Variants in YIPF4 observed in about 807,000 individuals in gnomAD.
YIPF4 encodes protein YIPF4.
In YIPF4, 18 loss-of-function variants were observed where a neutral mutation model predicts 29.4. That is an observed-to-expected ratio of 0.61 (90% CI 0.42 to 0.91). The LOEUF (loss-of-function observed/expected upper bound fraction) is 0.91, where lower values mean the gene tolerates loss of function less well. Ranked by LOEUF, YIPF4 falls within the 40% of genes least tolerant of loss-of-function variation. The pLI, the probability that YIPF4 is intolerant of heterozygous loss-of-function variation, is 0.00. For missense variants in YIPF4, 279 were observed against 282.7 expected (o/e 0.99, Z 0.09); for synonymous variants, 115 against 104.7 (o/e 1.10, Z -0.60).
At chr2:32,284,533 C>T (rs767321927) in intron 1 of YIPF4, among the ~76,000 whole-genome samples, 2 of 152,122 alleles carry the variant, frequency 1.3e-5, no homozygotes, top group Non-Finnish European at 2.9e-5. Context: ...GTCTCTCCCT[C>T]CTCTGGCCAT....
intron 3 of YIPF4, among the ~76,000 whole-genome samples, chr2:32,297,878 G>T (rs1005876425): frequency 6.6e-6 from 1 of 152,058 alleles, no homozygotes; most frequent in Non-Finnish European, 1.5e-5. Flanking sequence ...AAATTTTAAA[G>T]ACTTCCAGAG....
At chr2:32,298,194 T>C in intron 3 of YIPF4, 40 bp from the exon 4 acceptor site, 1 of 1,431,674 alleles carries the variant, frequency 7.0e-7, no homozygotes, top group Non-Finnish European at 9.8e-7. Flanking sequence ...ATCATCTTAT[T>C]TGGTATAAAA....
rs1473136889 is a variant in YIPF4, at chr2:32,314,560, CT to C, written c.*8935del. 11 of 152,146 alleles carry C rather than the reference CT, an allele frequency of 7.2e-5. No homozygotes were observed. Among genetic ancestry groups the C allele is most frequent in the Admixed American group, 1.3e-4 (2 of 15,246 alleles). The allele number at this position is 152,146 out of a possible 1,614,324, so 9.4% of individuals were successfully genotyped here. The stretch of plus-strand genomic sequence containing the variant: ...TGGTGTCGCGTGCCTGTAATCCCAG[CT>C]ACTCTGGAGGCTGAGACAGGAGAAT... On this transcript the variant is annotated 3_prime_UTR_variant, in exon 6 of 6. Transcript: ENST00000238831.
chr2:32,293,262 G>T (rs1031198677), intron 3 of YIPF4, among the ~76,000 whole-genome samples: 1 of 151,902 alleles, frequency 6.6e-6, no homozygotes, highest in Non-Finnish European at 1.5e-5. Flanking sequence ...TGTGTCCCTG[G>T]GTACTTGAGA....
chr2:32,315,350 G>C lies in YIPF4; in HGVS notation c.*9724G>C, dbSNP rs1261137494. On this transcript the variant is annotated 3_prime_UTR_variant, in exon 6 of 6. Coordinates refer to ENST00000238831, the MANE Select transcript of YIPF4 (RefSeq NM_032312.4). ...AAGAGAGTTGGGGAAAGTATTTTAA[G>C]CTGGGACATCCCAGCCCTGAGTGAA... The C allele has an allele frequency of 6.6e-6, 1 of 152,274 alleles. No individual in the cohort carries two copies. The allele number at this position is 152,274 out of a possible 1,614,324, so 9.4% of individuals were successfully genotyped here. A position where few individuals can be genotyped will look rare whatever the true frequency, so the allele number is the denominator to read the frequency against.
At chr2:32,303,990 A>C (rs934229892) in intron 5 of YIPF4, among the ~76,000 whole-genome samples, 1 of 152,202 alleles carries the variant, frequency 6.6e-6, no homozygotes, top group Non-Finnish European at 1.5e-5. Context: ...TTAATCATAT[A>C]GTTATCTTAA....
chr2:32,305,579 A>G lies in YIPF4; in HGVS notation c.688A>G (p.Ile230Val), dbSNP rs779801936. The G allele has an allele frequency of 9.3e-6, 15 of 1,609,008 alleles. No individual in the cohort carries two copies. Among genetic ancestry groups the G allele is most frequent in the Non-Finnish European group, 1.3e-5 (15 of 1,177,692 alleles). The change falls in exon 6 of 6, where the codon ATC becomes GTC. Residue 230 changes from isoleucine (I) to valine (V), a missense_variant. Transcript: ENST00000238831. ...KTKKPLLIYP[I>V]FLLYIYFLSL... ...CAAAAAGCCTCTTCTGATTTATCCA[A>G]TCTTTTTATTATACATTTATTTTTT...
In YIPF4 at chr2:32,306,324, A is replaced by G. The variant is rs2031580237; in HGVS notation, c.*698A>G. On this transcript the variant is annotated 3_prime_UTR_variant, in exon 6 of 6. Coordinates refer to ENST00000238831, the MANE Select transcript of YIPF4 (RefSeq NM_032312.4). ...TTGTTTGGGTATACTTTTCAAAACC[A>G]TTTTTGAATGTCCAAACATCTGATT... is the stretch of plus-strand genomic sequence containing the variant. 5 of 985,796 alleles carry G rather than the reference A, an allele frequency of 5.1e-6. No homozygotes were observed. Among genetic ancestry groups the G allele is most frequent in the Non-Finnish European group, 6.0e-6 (5 of 829,874 alleles). 61.1% of individuals were successfully genotyped at this position (985,796 alleles called of 1,614,324 possible).
rs2031733459 is a variant in YIPF4, at chr2:32,312,486, TCAAAAAAA to T, written c.*6861_*6868del. ...CTGGGCGACAGAGCGAGAATCCGTCTCAAAAAAAAAAAAAAAAAAAAAAAAAAAAAAAA... is the reference window on the plus strand; with the variant it reads ...CTGGGCGACAGAGCGAGAATCCGTCTAAAAAAAAAAAAAAAAAAAAAAAAA... On this transcript the variant is annotated 3_prime_UTR_variant, in exon 6 of 6. Transcript: ENST00000238831. 8.4e-5 allele frequency: 1 copy of T among 11,850 alleles called. No homozygotes were observed. 0.7% of individuals were successfully genotyped at this position (11,850 alleles called of 1,614,324 possible).
Position 32,277,907 on chromosome 2 carries a change from A to T in YIPF4, c.-249A>T, listed in dbSNP as rs772849063. 4.1e-6 allele frequency: 2 copies of T among 491,894 alleles called. No homozygotes were observed. Among genetic ancestry groups the T allele is most frequent in the South Asian group, 5.6e-5 (2 of 35,938 alleles). 30.5% of individuals were successfully genotyped at this position (491,894 alleles called of 1,614,324 possible). ...AAGAGCCAATCCCAGCGCCGCTGTC[A>T]CTGTTATGGTCCTGTCAGGGTGCCG... On this transcript the variant is annotated 5_prime_UTR_variant, in exon 1 of 6. Coordinates refer to ENST00000238831, the MANE Select transcript of YIPF4 (RefSeq NM_032312.4).
In YIPF4 at chr2:32,305,421, C is replaced by G. The variant is rs969562922; in HGVS notation, c.598-68C>G. ...AAATATTGTAAACACCATTTTTACT[C>G]TATGATATCCAAAAAGTTAATTGAC... On this transcript the variant is annotated intron_variant, in intron 5 of 5. Coordinates refer to ENST00000238831, the MANE Select transcript of YIPF4 (RefSeq NM_032312.4). The G allele has an allele frequency of 1.3e-5, 18 of 1,393,264 alleles. 1 individual carries two copies. In the African/African-American group the frequency reaches 2.7e-4, roughly 21 times the overall value. 86.3% of individuals were successfully genotyped at this position (1,393,264 alleles called of 1,614,324 possible).
chr2:32,277,974 TG>T lies in YIPF4; in HGVS notation c.-178del. The T allele has an allele frequency of 1.8e-6, 1 of 544,802 alleles. No homozygotes were observed. The highest frequency in any genetic ancestry group is 3.2e-6 in the Non-Finnish European group (1 of 313,022). The allele number at this position is 544,802 out of a possible 1,614,324, so 33.7% of individuals were successfully genotyped here. A position where few individuals can be genotyped will look rare whatever the true frequency, so the allele number is the denominator to read the frequency against. ...GTGGTCGCCACCAAGAAGACTTTGG[TG>T]GGGTAGTCTCGGGGCAGCTCAGCGG... On this transcript the variant is annotated 5_prime_UTR_variant, in exon 1 of 6. The change abolishes the stop of an existing upstream ORF in the 5' untranslated region. Coordinates refer to ENST00000238831, the MANE Select transcript of YIPF4 (RefSeq NM_032312.4).
chr2:32,297,993 T>A (rs935385935), intron 3 of YIPF4, among the ~76,000 whole-genome samples: 1 of 152,158 alleles, frequency 6.6e-6, no homozygotes, highest in East Asian at 1.9e-4. Context: ...TATCATAGAT[T>A]TTGAAATACT....
intron 2 of YIPF4, among the ~76,000 whole-genome samples, chr2:32,291,499 GC>G (rs2148961567): frequency 6.6e-6 from 1 of 152,290 alleles, no homozygotes; most frequent in Non-Finnish European, 1.5e-5. Flanking sequence ...AGCCGAAATT[GC>G]CCCACCGCAC....
At chr2:32,294,299 C>T (rs2031075483) in intron 3 of YIPF4, among the ~76,000 whole-genome samples, 4 of 151,478 alleles carry the variant, frequency 2.6e-5, no homozygotes, top group Admixed American at 2.0e-4. Flanking sequence ...AGGGGCTCCT[C>T]ACTTCTCAGA....
intron 2 of YIPF4, 69 bp from the exon 3 acceptor site, chr2:32,292,108 T>A (rs1246146193): frequency 6.4e-5 from 63 of 979,580 alleles, no homozygotes; most frequent in South Asian, 3.0e-4. Context: ...GTTTTCTTAA[T>A]TTTTTTTTGG....
intron 2 of YIPF4, 148 bp downstream of exon 2, chr2:32,290,784 GAAAT>G: frequency 2.3e-6 from 1 of 425,896 alleles, no homozygotes; most frequent in Non-Finnish European, 3.7e-6. Context: ...TTAAAAAACT[GAAAT>G]AATAATGAGA....
chr2:32,305,226 T>C (rs1046557882), intron 5 of YIPF4, among the ~76,000 whole-genome samples: 3 of 151,774 alleles, frequency 2.0e-5, no homozygotes, highest in African/African-American at 7.3e-5. Context: ...AACTAGAGAG[T>C]CCCCCAAGTC....
At position 32,291,586 on chromosome 2, in the gene YIPF4, C is replaced by G. The variant is rs897472842; in HGVS notation, c.234-591C>G. 3.5e-4 allele frequency among the ~76,000 whole-genome samples: 53 copies of G among 152,046 alleles called. 1 individual carries two copies. The highest frequency in any genetic ancestry group is 1.2e-3 in the African/African-American group (51 of 41,392). ...ACCGTATACCATCAAATCTAAGACA[C>G]TATTGATTATAAGATGAAGTTATTT... On this transcript the variant is annotated intron_variant, in intron 2 of 5. Coordinates refer to ENST00000238831, the MANE Select transcript of YIPF4 (RefSeq NM_032312.4).
Sources: gnomAD v4.1 joint callset for allele counts (sites outside exome capture counted in the v4.1 genomes callset) on GRCh38, gnomAD v4.1.1 for gene constraint, MANE v1.5 for transcripts, NCBI Gene and HGNC (gene_info 2026-07-23, HGNC 2026-07-21) for gene names.